Variants in GHR observed in about 807,000 individuals in gnomAD.
GHR encodes the protein growth hormone receptor.
GHR carries 35 observed loss-of-function variants against 67.1 expected under a neutral mutation model. That is an observed-to-expected ratio of 0.52 (90% confidence interval 0.40 to 0.69). GHR has a LOEUF of 0.69. GHR is among the 30% of genes least tolerant of loss of function. GHR has a pLI of 0.00. For synonymous variants in GHR, 272 were observed against 269.1 expected (o/e 1.01, Z -0.10); for missense variants, 792 against 764.6 (o/e 1.04, Z -0.42).
intron 3 of GHR, among the ~76,000 whole-genome samples, chr5:42,657,130 A>G (rs936084247): frequency 1.3e-5 from 2 of 152,116 alleles, no homozygotes; most frequent in Non-Finnish European, 2.9e-5. Flanking sequence ...TATGAAGTAA[A>G]TATATAAGAG....
intron 1 of GHR, among the ~76,000 whole-genome samples, chr5:42,469,423 T>C (rs1331184182): frequency 3.3e-5 from 5 of 152,110 alleles, no homozygotes; most frequent in African/African-American, 9.7e-5. Context: ...AATATTCCAC[T>C]TTGACAGAAC....
intron 2 of GHR, among the ~76,000 whole-genome samples, chr5:42,588,529 A>AAAAAAAAAAAAAAAAAC (rs1751610564): frequency 6.9e-6 from 1 of 144,460 alleles, no homozygotes; most frequent in African/African-American, 2.5e-5. Context: ...TCCATCTCAA[A>AAAAAAAAAAAAAAAAAC]AAAAAAAAAA....
intron 1 of GHR, among the ~76,000 whole-genome samples, chr5:42,547,293 T>A (rs944271924): frequency 2.2e-4 from 33 of 152,308 alleles, no homozygotes; most frequent in African/African-American, 7.7e-4. Flanking sequence ...CAGTCATAAA[T>A]CATGAACGGT....
chr5:42,438,368 T>C (rs1743424394), intron 1 of GHR, among the ~76,000 whole-genome samples: 1 of 152,210 alleles, frequency 6.6e-6, no homozygotes, highest in Non-Finnish European at 1.5e-5. Context: ...ATGTGATGGT[T>C]CTTTGAAATT....
At chr5:42,653,056 G>T (rs1386227276) in intron 3 of GHR, among the ~76,000 whole-genome samples, 2 of 152,108 alleles carry the variant, frequency 1.3e-5, no homozygotes, top group Non-Finnish European at 2.9e-5. Context: ...CTGTGGTTAG[G>T]AGAATTGAGC....
intron 1 of GHR, among the ~76,000 whole-genome samples, chr5:42,556,844 A>G (rs191949183): frequency 2.0e-5 from 3 of 152,332 alleles, no homozygotes; most frequent in Admixed American, 1.3e-4. Flanking sequence ...TGAATAGAAT[A>G]ACGGTGCATA....
chr5:42,508,049 A>T (rs535633009), intron 1 of GHR, among the ~76,000 whole-genome samples: 2 of 152,352 alleles, frequency 1.3e-5, no homozygotes, highest in African/African-American at 2.4e-5. Context: ...ACACTGCCAA[A>T]AAAGAATGGC....
At chr5:42,634,342 T>C (rs926553729) in intron 3 of GHR, among the ~76,000 whole-genome samples, 10 of 152,196 alleles carry the variant, frequency 6.6e-5, no homozygotes, top group African/African-American at 2.4e-4. Context: ...CAACTCTATA[T>C]TGGACCCTAA....
At chr5:42,666,555 TTTAAA>T (rs1561211466) in intron 3 of GHR, among the ~76,000 whole-genome samples, 2 of 152,044 alleles carry the variant, frequency 1.3e-5, no homozygotes, top group Non-Finnish European at 1.5e-5. Flanking sequence ...TAAATTTGAG[TTTAAA>T]TTAATTAAAA....
chr5:42,498,674 A>G (rs977918432), intron 1 of GHR, among the ~76,000 whole-genome samples: 1 of 152,234 alleles, frequency 6.6e-6, no homozygotes, highest in Non-Finnish European at 1.5e-5. Flanking sequence ...CGGACAAGCC[A>G]ACCAAGTTTG....
chr5:42,564,912 G>A (rs973727675), intron 1 of GHR, among the ~76,000 whole-genome samples: 50 of 152,194 alleles, frequency 3.3e-4, no homozygotes, highest in African/African-American at 8.9e-4. Context: ...GTTGGCATTA[G>A]TTGTCAGACA....
intron 1 of GHR, among the ~76,000 whole-genome samples, chr5:42,487,065 A>C (rs1469703804): frequency 6.6e-6 from 1 of 152,182 alleles, no homozygotes. Flanking sequence ...AAGGTACTCC[A>C]GCATTTTGTA....
chr5:42,470,988 GA>G (rs1426183908), intron 1 of GHR, among the ~76,000 whole-genome samples: 1 of 152,024 alleles, frequency 6.6e-6, no homozygotes. Context: ...GGACATTTTG[GA>G]TTAAGTCCTC....
At chr5:42,664,403 T>C (rs1755837546) in intron 3 of GHR, among the ~76,000 whole-genome samples, 2 of 152,148 alleles carry the variant, frequency 1.3e-5, no homozygotes, top group Non-Finnish European at 2.9e-5. Flanking sequence ...GAGATATAGA[T>C]CAATGGAACA....
At chr5:42,577,405 A>G (rs1750809277) in intron 2 of GHR, among the ~76,000 whole-genome samples, 1 of 151,738 alleles carries the variant, frequency 6.6e-6, no homozygotes, top group Non-Finnish European at 1.5e-5. Context: ...TTACTCCATT[A>G]TATCTACTTA....
chr5:42,587,069 T>C (rs1289507141), intron 2 of GHR, among the ~76,000 whole-genome samples: 1 of 149,474 alleles, frequency 6.7e-6, no homozygotes, highest in Non-Finnish European at 1.5e-5. Context: ...CAGCTGGGCT[T>C]ATTTTTTCTT....
intron 3 of GHR, among the ~76,000 whole-genome samples, chr5:42,637,044 T>C (rs1481776804): frequency 1.3e-5 from 2 of 152,220 alleles, no homozygotes; most frequent in Non-Finnish European, 2.9e-5. Flanking sequence ...CCTCTGTGTT[T>C]TTTTTCTTTA....
chr5:42,591,855 T>C (rs759472982), intron 2 of GHR, among the ~76,000 whole-genome samples: 5 of 152,158 alleles, frequency 3.3e-5, no homozygotes, highest in Admixed American at 2.6e-4. Context: ...ATATGACTTA[T>C]GAAGTATTAT....
chr5:42,593,430 C>T lies in GHR; in HGVS notation c.70+27486C>T, dbSNP rs1007597340. ...AAGTCACTATTTTTGTACAAATAAA[C>T]ACATTTACCTAATTTGGTGAGCATT... On this transcript the variant is annotated intron_variant, in intron 2 of 9. Transcript: ENST00000230882. Among the ~76,000 whole-genome samples, 7 of 152,162 alleles carry T rather than the reference C, an allele frequency of 4.6e-5. 1 individual carries two copies. The highest frequency in any genetic ancestry group is 2.6e-4 in the Admixed American group (4 of 15,278).
Sources: allele counts gnomAD v4.1 joint callset (sites outside exome capture counted in the v4.1 genomes callset), GRCh38; gene constraint gnomAD v4.1.1; transcripts MANE v1.5; gene names NCBI Gene and HGNC (gene_info 2026-07-23, HGNC 2026-07-21).